AGTPBP1: variants seen among roughly 807,000 people sequenced by gnomAD.
AGTPBP1 encodes ATP/GTP binding carboxypeptidase 1, also known as cytosolic carboxypeptidase 1.
In AGTPBP1, 70 loss-of-function variants were observed where a neutral mutation model predicts 143.9. That is an observed-to-expected ratio of 0.49 (90% CI 0.40 to 0.59). AGTPBP1 has a LOEUF of 0.59. AGTPBP1 is among the 20% of genes least tolerant of loss of function. AGTPBP1 has a pLI of 0.00. For synonymous variants in AGTPBP1, 463 were observed against 500.2 expected (o/e 0.93, Z 0.99); for missense variants, 1,229 against 1,464.5 (o/e 0.84, Z 2.62).
the AGTPBP1 span, among the ~76,000 whole-genome samples, chr9:85,798,954 T>C: frequency 1.3e-5 from 2 of 152,164 alleles, no homozygotes; most frequent in Non-Finnish European, 2.9e-5. Context: ...ACCCATCAAC[T>C]CATCATTTAC....
chr9:85,553,689 G>A (rs1014543942), intron 25 of AGTPBP1, among the ~76,000 whole-genome samples: 2 of 152,174 alleles, frequency 1.3e-5, no homozygotes, highest in Non-Finnish European at 2.9e-5. Context: ...TACACATAAT[G>A]AAAGTGTTAA....
chr9:85,686,958 A>G (rs1835521974), intron 3 of AGTPBP1, among the ~76,000 whole-genome samples: 1 of 152,222 alleles, frequency 6.6e-6, no homozygotes, highest in South Asian at 2.1e-4. Context: ...CTAGTTAAGA[A>G]GCAAGATCCA....
At chr9:85,735,884 A>G (rs1042257337) in intron 1 of AGTPBP1, among the ~76,000 whole-genome samples, 1 of 152,158 alleles carries the variant, frequency 6.6e-6, no homozygotes, top group African/African-American at 2.4e-5. Context: ...CTATATAACC[A>G]ATATCCTTAT....
chr9:85,632,999 G>A lies in AGTPBP1; in HGVS notation c.1678C>T (p.Leu560Phe). Residue 560 changes from leucine to phenylalanine, a missense_variant, in exon 14 of 26, where the codon CTT (leucine) becomes TTT (phenylalanine). Physicochemically the swap from Leu to Phe is conservative, Grantham distance 22 (BLOSUM62 0). Around this residue, in one of 2 missense-constraint regions of AGTPBP1, gnomAD observed 743 missense variants for 812.2 expected, o/e 0.91. Coordinates refer to ENST00000357081, the MANE Select transcript of AGTPBP1 (RefSeq NM_001330701.2). ...FTAEMKKDCS[L>F]PLTVLTCAKA... ...GCACAGGTAAGGACAGTAAGAGGAA[G>A]ACTGCAGTCCTTCTTCATTTCTGCA... 1 of 1,614,148 alleles carries A rather than the reference G, an allele frequency of 6.2e-7. No individual in the cohort carries two copies.
At chr9:85,713,515 G>C (rs1266016271) in intron 1 of AGTPBP1, among the ~76,000 whole-genome samples, 1 of 152,106 alleles carries the variant, frequency 6.6e-6, no homozygotes, top group South Asian at 2.1e-4. Context: ...TAGGCGACAA[G>C]AGCGAAACTC....
chr9:85,592,380 T>A (rs1303487229), intron 19 of AGTPBP1, among the ~76,000 whole-genome samples, 180 bp downstream of exon 19: 1 of 152,128 alleles, frequency 6.6e-6, no homozygotes, highest in Non-Finnish European at 1.5e-5. Context: ...TAACTAAACT[T>A]AATTTTCCTT....
intron 20 of AGTPBP1, among the ~76,000 whole-genome samples, chr9:85,589,200 G>C (rs1285860864): frequency 6.6e-6 from 1 of 152,022 alleles, no homozygotes; most frequent in Non-Finnish European, 1.5e-5. Flanking sequence ...AGTAAAATCA[G>C]TCCATTTCTA....
chr9:85,600,589 G>A (rs573048341), intron 17 of AGTPBP1, among the ~76,000 whole-genome samples: 95 of 152,210 alleles, frequency 6.2e-4, no homozygotes, highest in African/African-American at 2.3e-3. Flanking sequence ...TACAGGAAAA[G>A]GGTAAGTGAG....
At chr9:85,762,167 T>G in the AGTPBP1 span, among the ~76,000 whole-genome samples, 5 of 152,140 alleles carry the variant, frequency 3.3e-5, no homozygotes, top group African/African-American at 9.7e-5. Context: ...TTTTACACTG[T>G]TGGTGGGACT....
In AGTPBP1 at chr9:85,661,233, T is replaced by C. The variant is rs528096678; in HGVS notation, c.663-260A>G. Among the ~76,000 whole-genome samples, 179 of 152,180 alleles carry C rather than the reference T, an allele frequency of 1.2e-3. 3 individuals are homozygous for C. Among genetic ancestry groups the C allele is most frequent in the Admixed American group, 0.01 (159 of 15,266 alleles). ...GAAAGAAAAAGAAGGAAATTAACAA[T>C]GTCTAAGTATTTGTCAGAAGTTAGA... On this transcript the variant is annotated intron_variant, in intron 8 of 25. Transcript: ENST00000357081.
chr9:85,734,678 A>C (rs62570623), intron 1 of AGTPBP1, among the ~76,000 whole-genome samples: 1 of 152,220 alleles, frequency 6.6e-6, no homozygotes, highest in Non-Finnish European at 1.5e-5. Context: ...TGGTGCAGCC[A>C]CTATGAAAAA....
At chr9:85,755,990 C>T in the AGTPBP1 span, 3 of 1,020,894 alleles carry the variant, frequency 2.9e-6, no homozygotes, top group Admixed American at 3.2e-5. Context: ...TAAGAGATTT[C>T]AGCCAATCTG....
intron 15 of AGTPBP1, among the ~76,000 whole-genome samples, 187 bp downstream of exon 15, chr9:85,621,015 C>T (rs1830899813): frequency 1.3e-5 from 2 of 152,056 alleles, no homozygotes; most frequent in East Asian, 1.9e-4. Context: ...CGTGACTTAC[C>T]ATTACCATTA....
At chr9:85,781,587 C>T in the AGTPBP1 span, among the ~76,000 whole-genome samples, 2 of 152,194 alleles carry the variant, frequency 1.3e-5, no homozygotes, top group Admixed American at 1.3e-4. Flanking sequence ...TGATTGTCTG[C>T]CATGTGCCAG....
intron 25 of AGTPBP1, among the ~76,000 whole-genome samples, chr9:85,548,381 C>T (rs1825843757): frequency 6.6e-6 from 1 of 152,132 alleles, no homozygotes; most frequent in Non-Finnish European, 1.5e-5. Flanking sequence ...TACCTTTTTC[C>T]TATACTTGCT....
chr9:85,681,041 A>C (rs933010145), intron 4 of AGTPBP1, among the ~76,000 whole-genome samples: 13 of 152,250 alleles, frequency 8.5e-5, no homozygotes, highest in African/African-American at 3.1e-4. Context: ...CACCTAATAC[A>C]TATTAAAATA....
chr9:85,690,930 G>C (rs566669361), intron 3 of AGTPBP1, among the ~76,000 whole-genome samples: 2 of 152,296 alleles, frequency 1.3e-5, no homozygotes, highest in Admixed American at 1.3e-4. Flanking sequence ...GCTGGAGTAG[G>C]GGTTCTAGGT....
chr9:85,591,196 G>A (rs1363174801), intron 19 of AGTPBP1, among the ~76,000 whole-genome samples: 1 of 151,710 alleles, frequency 6.6e-6, no homozygotes, highest in Non-Finnish European at 1.5e-5. Context: ...AAAAAAAAGG[G>A]GGGGAGTACT....
At chr9:85,765,009 ATAT>A in the AGTPBP1 span, 2 of 648,332 alleles carry the variant, frequency 3.1e-6, no homozygotes, top group African/African-American at 3.6e-5. Flanking sequence ...ATAATCATAA[ATAT>A]TATCTGGTAA....
Sources: allele counts gnomAD v4.1 joint callset (sites outside exome capture counted in the v4.1 genomes callset), GRCh38; gene constraint gnomAD v4.1.1; regional missense constraint gnomAD v4.1.1; transcripts MANE v1.5; gene names NCBI Gene and HGNC (gene_info 2026-07-23, HGNC 2026-07-21).